The following CDH3 variants were observed in gnomAD, a reference collection of about 807,000 sequenced individuals.
The protein encoded by CDH3 is cadherin-3.
A neutral mutation model predicts 82.0 loss-of-function variants in CDH3; 54 were observed. That is an observed-to-expected ratio of 0.66 (90% CI 0.53 to 0.83). The LOEUF (loss-of-function observed/expected upper bound fraction) is 0.83. Among genes scored for constraint, CDH3 ranks in the 40% least tolerant of loss-of-function variants. The pLI, the probability that CDH3 is intolerant of heterozygous loss-of-function variation, is 0.00. For missense variants in CDH3, 1,054 were observed against 1,084.6 expected (o/e 0.97, Z 0.40); for synonymous variants, 446 against 437.9 (o/e 1.02, Z -0.23).
chr16:68,706,450 C>T (rs1961964878), intron 1 of CDH3, among the ~76,000 whole-genome samples: 1 of 151,764 alleles, frequency 6.6e-6, no homozygotes, highest in Non-Finnish European at 1.5e-5. Context: ...ACCCCATGGG[C>T]CTTGGAGTAC....
At chr16:68,659,804 C>CT (rs71148930) in intron 2 of CDH3, among the ~76,000 whole-genome samples, 1,704 of 132,032 alleles carry the variant, frequency 0.013, 37 homozygotes, top group African/African-American at 0.042. Context: ...CTTGTAGACC[C>CT]TTTTTTTTTT....
intron 2 of CDH3, among the ~76,000 whole-genome samples, chr16:68,724,700 T>C (rs1962200912): frequency 6.6e-6 from 1 of 152,006 alleles, no homozygotes; most frequent in South Asian, 2.1e-4. Flanking sequence ...TCCTGGGATG[T>C]GATACATGAA....
chr16:68,730,028 T>C (rs1962267205), downstream of CDH3, among the ~76,000 whole-genome samples: 1 of 148,084 alleles, frequency 6.8e-6, no homozygotes, highest in Non-Finnish European at 1.5e-5. Flanking sequence ...AGGTCAGGAG[T>C]TCGAGACCAG....
At chr16:68,663,664 G>C (rs908879117) in intron 2 of CDH3, among the ~76,000 whole-genome samples, 1 of 152,072 alleles carries the variant, frequency 6.6e-6, no homozygotes, top group Non-Finnish European at 1.5e-5. Flanking sequence ...GGTGGTGGGG[G>C]TAGAGATGGA....
intron 9 of CDH3, among the ~76,000 whole-genome samples, chr16:68,683,675 A>G (rs1164220821): frequency 2.8e-4 from 3 of 10,874 alleles, no homozygotes; most frequent in African/African-American, 9.5e-4. Context: ...AAAAAAAAAA[A>G]AAAAAGAAAA....
At chr16:68,681,714 T>C (rs546924474) in intron 8 of CDH3, among the ~76,000 whole-genome samples, 59 of 152,280 alleles carry the variant, frequency 3.9e-4, no homozygotes, top group African/African-American at 1.4e-3. Flanking sequence ...GGCATACACC[T>C]GTAGTCCCAG....
chr16:68,731,043 AAAAAAT>A (rs1962278738), downstream of CDH3, among the ~76,000 whole-genome samples: 5 of 20,394 alleles, frequency 2.5e-4, no homozygotes, highest in African/African-American at 4.7e-4. Context: ...AAAAAAAAAA[AAAAAAT>A]ATATATATAT....
intron 2 of CDH3, among the ~76,000 whole-genome samples, chr16:68,664,006 A>G: frequency 7.5e-6 from 1 of 134,130 alleles, no homozygotes. Context: ...CAACTGAGGT[A>G]GATATTAGCA....
chr16:68,724,726 A>T (rs1040939592), intron 2 of CDH3, among the ~76,000 whole-genome samples: 2 of 152,186 alleles, frequency 1.3e-5, no homozygotes, highest in Non-Finnish European at 2.9e-5. Flanking sequence ...AAATGGTGTT[A>T]GCCACAAAGT....
At position 68,654,443 on chromosome 16, in the gene CDH3, C is replaced by T. The variant is rs1960351535; in HGVS notation, c.160+8693C>T. Among the ~76,000 whole-genome samples, 3 of 105,208 alleles carry T rather than the reference C, an allele frequency of 2.9e-5. No individual in the cohort carries two copies. In the Admixed American group the frequency reaches 4.2e-4, roughly 15 times the overall value. The allele number at this position is 105,208 out of a possible 152,430, so 69.0% of individuals were successfully genotyped here. A position where few individuals can be genotyped will look rare whatever the true frequency, so the allele number is the denominator to read the frequency against. ...TGCGGCTGGGTGCGTTGGCTCACGC[C>T]TGTAATCCCAGCACTTTGGGAGGCC... On this transcript the variant is annotated intron_variant, in intron 2 of 15. Coordinates refer to ENST00000264012, the MANE Select transcript of CDH3 (RefSeq NM_001793.6).
chr16:68,651,147 A>G (rs1960230514), intron 2 of CDH3: 1 of 464,176 alleles, frequency 2.2e-6, no homozygotes, highest in African/African-American at 2.0e-5. Context: ...AGTAGTTGGA[A>G]TTGTATATCT....
downstream of CDH3, among the ~76,000 whole-genome samples, chr16:68,703,612 G>A (rs1961923311): frequency 6.6e-6 from 1 of 152,224 alleles, no homozygotes. Flanking sequence ...TGAGGCCCTG[G>A]ACAAACCACA....
At chr16:68,683,910 T>C (rs1225485912) in intron 9 of CDH3, among the ~76,000 whole-genome samples, 4 of 145,080 alleles carry the variant, frequency 2.8e-5, no homozygotes, top group Non-Finnish European at 4.6e-5. Context: ...CTACTAAAAA[T>C]ACAAAAATTA....
intron 15 of CDH3, 105 bp downstream of exon 15, chr16:68,696,028 C>CTGAACCCAGAATGTGACTGGG: frequency 8.3e-7 from 1 of 1,208,980 alleles, no homozygotes; most frequent in Non-Finnish European, 1.2e-6. Flanking sequence ...GGTTCAAATT[C>CTGAACCCAGAATGTGACTGGG]TGACTCCACC....
At chr16:68,730,049 A>T (rs923339511), downstream of CDH3, among the ~76,000 whole-genome samples, 1 of 152,032 alleles carries the variant, frequency 6.6e-6, no homozygotes, top group East Asian at 1.9e-4. Context: ...CCTGACCAAG[A>T]TGGTGAAACC....
At chr16:68,687,277 T>C (rs1961438527) in intron 11 of CDH3, among the ~76,000 whole-genome samples, 1 of 152,146 alleles carries the variant, frequency 6.6e-6, no homozygotes, top group African/African-American at 2.4e-5. Flanking sequence ...AGGTTTCGCC[T>C]TGTGGTTATA....
At chr16:68,652,263 A>C (rs998089764) in intron 2 of CDH3, among the ~76,000 whole-genome samples, 1 of 152,204 alleles carries the variant, frequency 6.6e-6, no homozygotes, top group Non-Finnish European at 1.5e-5. Context: ...GAGTAGGGTT[A>C]ACTTGCTGAA....
At chr16:68,677,171 C>T (rs1961056782) in intron 3 of CDH3, among the ~76,000 whole-genome samples, 1 of 152,154 alleles carries the variant, frequency 6.6e-6, no homozygotes, top group Non-Finnish European at 1.5e-5. Flanking sequence ...AGATGCTGTT[C>T]ACATGTCTGC....
At chr16:68,668,861 T>C (rs1005961799) in intron 2 of CDH3, among the ~76,000 whole-genome samples, 1 of 152,236 alleles carries the variant, frequency 6.6e-6, no homozygotes, top group Non-Finnish European at 1.5e-5. Context: ...TACCTTTTTA[T>C]TGAGAGCTTA....
Sources: allele counts gnomAD v4.1 joint callset (sites outside exome capture counted in the v4.1 genomes callset), GRCh38; gene constraint gnomAD v4.1.1; transcripts MANE v1.5; gene names NCBI Gene and HGNC (gene_info 2026-07-23, HGNC 2026-07-21).